The following SNRNP70 variants were observed in gnomAD, a reference collection of about 807,000 sequenced individuals.
The protein encoded by SNRNP70 is U1 small nuclear ribonucleoprotein 70 kDa.
A neutral mutation model predicts 50.5 loss-of-function variants in SNRNP70; 8 were observed. The ratio of observed to expected loss-of-function variants is 0.16; its 90% CI spans 0.09 to 0.29. The LOEUF (loss-of-function observed/expected upper bound fraction) is 0.29. SNRNP70 is among the 10% of genes least tolerant of loss of function. The probability of loss-of-function intolerance (pLI) is 1.00; values close to 1 mark genes in which losing one functional copy is unlikely to be tolerated. For synonymous variants in SNRNP70, 320 were observed against 252.9 expected (o/e 1.27, Z -2.52); for missense variants, 529 against 663.5 (o/e 0.80, Z 2.23).
intron 6 of SNRNP70, among the ~76,000 whole-genome samples, chr19:49,099,066 G>A (rs1473452962): frequency 6.6e-6 from 1 of 152,144 alleles, no homozygotes; most frequent in Non-Finnish European, 1.5e-5. Flanking sequence ...CTACTCTCTG[G>A]GTCTTGGCAG....
chr19:49,093,238 C>T (rs987612067), intron 4 of SNRNP70, among the ~76,000 whole-genome samples: 4 of 151,928 alleles, frequency 2.6e-5, no homozygotes, highest in African/African-American at 7.2e-5. Context: ...TACAGGCATG[C>T]ACCACCATGC....
chr19:49,100,125 C>T (rs962607389), intron 6 of SNRNP70, among the ~76,000 whole-genome samples: 2 of 152,292 alleles, frequency 1.3e-5, no homozygotes, highest in East Asian at 1.9e-4. Context: ...ATGTGAATGG[C>T]GAACTAGCCA....
At chr19:49,088,531 C>T (rs1208080340) in intron 2 of SNRNP70, among the ~76,000 whole-genome samples, 1 of 134,784 alleles carries the variant, frequency 7.4e-6, no homozygotes. Flanking sequence ...GAGTATCGCT[C>T]TGTTGCCCAG....
chr19:49,095,960 G>A (rs1256287950), intron 4 of SNRNP70, among the ~76,000 whole-genome samples: 1 of 136,462 alleles, frequency 7.3e-6, no homozygotes, highest in Non-Finnish European at 1.5e-5. Flanking sequence ...TTGAATGAAT[G>A]AGAGTTAGCT....
chr19:49,105,377 G>C (rs761104938), intron 8 of SNRNP70, among the ~76,000 whole-genome samples: 3 of 152,116 alleles, frequency 2.0e-5, no homozygotes, highest in Non-Finnish European at 4.4e-5. Flanking sequence ...GCATCCTTTG[G>C]AGTTCGGAGG....
At chr19:49,087,132 A>T (rs911007125) in intron 2 of SNRNP70, among the ~76,000 whole-genome samples, 3 of 145,910 alleles carry the variant, frequency 2.1e-5, no homozygotes, top group Non-Finnish European at 4.5e-5. Flanking sequence ...ATGAGCCGAG[A>T]TCGCGCCACT....
chr19:49,089,767 A>G (rs112850157), intron 2 of SNRNP70, among the ~76,000 whole-genome samples: 13,104 of 140,790 alleles, frequency 0.093, 700 homozygotes, highest in African/African-American at 0.16. Flanking sequence ...GGTTCATGCC[A>G]TTCTCCTGCC....
intron 1 of SNRNP70, among the ~76,000 whole-genome samples, chr19:49,085,890 T>A (rs150185475): frequency 1.3e-5 from 2 of 152,226 alleles, no homozygotes; most frequent in Non-Finnish European, 2.9e-5. Context: ...TATGTTGTCC[T>A]GGACCCTTAC....
Position 49,107,951 on chromosome 19 carries a change from G to C in SNRNP70, c.822G>C (p.Arg274=), listed in dbSNP as rs2040697514. ...CACGGAGTCGCGACAAGGAGGAGCG[G>C]AGGCGCTCCAGGGAGCGGAGCAAGG... ...RRSRSRDKEE[R]RRSRERSKDK... The change falls in exon 10 of 10, where the codon CGG becomes CGC. Residue 274 remains arginine (R), a synonymous_variant. Coordinates refer to ENST00000598441, the MANE Select transcript of SNRNP70 (RefSeq NM_003089.6). The surrounding 1 kb of genome is among the most constrained non-coding windows in gnomAD (Gnocchi z 6.0). 3 of 1,547,654 alleles carry C rather than the reference G, an allele frequency of 1.9e-6. No individual in the cohort carries two copies. The highest frequency in any genetic ancestry group is 1.7e-4 in the Middle Eastern group (1 of 5,736).
At position 49,104,381 on chromosome 19, in the gene SNRNP70, C is replaced by G; in HGVS notation, c.476-253C>G. The stretch of plus-strand genomic sequence containing the variant: ...AAGGGCCGGGGAGCCTAGGGGGTGG[C>G]GGGTGAGGGTGGACGTCTCCCCCGA... On this transcript the variant is annotated intron_variant, in intron 7 of 9. Coordinates refer to ENST00000598441, the MANE Select transcript of SNRNP70 (RefSeq NM_003089.6). This position sits in a 1 kb window ranked among gnomAD's most constrained non-coding sequence, Gnocchi z 5.4. The G allele has an allele frequency of 2.2e-6, 1 of 458,654 alleles. No individual in the cohort carries two copies. Among genetic ancestry groups the G allele is most frequent in the Non-Finnish European group, 3.9e-6 (1 of 254,154 alleles). The allele number at this position is 458,654 out of a possible 1,614,324, so 28.4% of individuals were successfully genotyped here.
At chr19:49,097,023 G>C (rs1344197144) in intron 4 of SNRNP70, among the ~76,000 whole-genome samples, 3 of 151,978 alleles carry the variant, frequency 2.0e-5, no homozygotes, top group African/African-American at 7.3e-5. Flanking sequence ...CCAGCTGCTT[G>C]AGAAGCTGAG....
At chr19:49,106,339 A>T (rs1164996596) in intron 8 of SNRNP70, among the ~76,000 whole-genome samples, 1 of 152,170 alleles carries the variant, frequency 6.6e-6, no homozygotes, top group East Asian at 1.9e-4. Flanking sequence ...GACTCGGTGC[A>T]CCCGCAGAAA....
At chr19:49,099,248 G>T (rs2040550613) in intron 6 of SNRNP70, among the ~76,000 whole-genome samples, 1 of 152,196 alleles carries the variant, frequency 6.6e-6, no homozygotes, top group Non-Finnish European at 1.5e-5. Flanking sequence ...TGTTAGCCAT[G>T]TCTCTTCTCC....
At chr19:49,101,909 C>G (rs1019672326) in intron 7 of SNRNP70, among the ~76,000 whole-genome samples, 1 of 151,978 alleles carries the variant, frequency 6.6e-6, no homozygotes, top group Non-Finnish European at 1.5e-5. Flanking sequence ...CCCGACCCTC[C>G]GCTTCCCCAA....
rs1313451640 is a variant in SNRNP70, at chr19:49,107,199, C to T, written c.578-426C>T. On this transcript the variant is annotated intron_variant, in intron 8 of 9. Coordinates refer to ENST00000598441, the MANE Select transcript of SNRNP70 (RefSeq NM_003089.6). The surrounding 1 kb of genome is among the most constrained non-coding windows in gnomAD (Gnocchi z 6.0). ...CGCTAGCAGGGCCCGCTCTTGCTGC[C>T]TCTACCACCAGTTGACGAGGAGTTT... Among the ~76,000 whole-genome samples the T allele has an allele frequency of 6.6e-6, 1 of 152,196 alleles. No homozygotes were observed.
chr19:49,097,229 G>T (rs573901594), intron 4 of SNRNP70, among the ~76,000 whole-genome samples: 4 of 152,282 alleles, frequency 2.6e-5, no homozygotes, highest in South Asian at 4.1e-4. Context: ...GAAGGAGCCT[G>T]GTAGTTCAAG....
chr19:49,090,391 C>G, intron 3 of SNRNP70, 38 bp downstream of exon 3: 1 of 1,612,958 alleles, frequency 6.2e-7, no homozygotes, highest in Middle Eastern at 1.7e-4. Context: ...TGTTTTACCA[C>G]TGTCTCCAGA....
In SNRNP70 at chr19:49,104,574, T is replaced by A; in HGVS notation, c.476-60T>A. On this transcript the variant is annotated intron_variant, in intron 7 of 9. Coordinates refer to ENST00000598441, the MANE Select transcript of SNRNP70 (RefSeq NM_003089.6). The surrounding 1 kb of genome is among the most constrained non-coding windows in gnomAD (Gnocchi z 5.4). ...CGGGGATTCTGTAGAGCTGGGCCTG[T>A]CCTGACTAGAGGACCCTCTGGGGAC... 1 of 1,306,544 alleles carries A rather than the reference T, an allele frequency of 7.7e-7. No homozygotes were observed. The highest frequency in any genetic ancestry group is 1.1e-6 in the Non-Finnish European group (1 of 925,422). The allele number at this position is 1,306,544 out of a possible 1,614,324, so 80.9% of individuals were successfully genotyped here.
At chr19:49,086,736 C>T (rs1302736746) in intron 2 of SNRNP70, among the ~76,000 whole-genome samples, 175 bp downstream of exon 2, 1 of 151,858 alleles carries the variant, frequency 6.6e-6, no homozygotes, top group Non-Finnish European at 1.5e-5. Flanking sequence ...CGGGTGTGGT[C>T]GAGTGCGTCT....
Sources: gnomAD v4.1 joint callset for allele counts (sites outside exome capture counted in the v4.1 genomes callset) on GRCh38, gnomAD v4.1.1 for gene constraint, Gnocchi (gnomAD v3.1) non-coding constraint, MANE v1.5 for transcripts, NCBI Gene and HGNC (gene_info 2026-07-23, HGNC 2026-07-21) for gene names.